BRWD1: variants seen among roughly 807,000 people sequenced by gnomAD.
The protein encoded by BRWD1 is bromodomain and WD repeat domain containing 1.
In BRWD1, 82 loss-of-function variants were observed where a neutral mutation model predicts 251.2. That is an observed-to-expected ratio of 0.33 (90% CI 0.27 to 0.39). The LOEUF (loss-of-function observed/expected upper bound fraction) is 0.39. Among genes scored for constraint, BRWD1 ranks in the 10% least tolerant of loss-of-function variants. The pLI, the probability that BRWD1 is intolerant of heterozygous loss-of-function variation, is 1.00. For missense variants in BRWD1, 2,233 were observed against 2,711.6 expected (o/e 0.82, Z 3.92); for synonymous variants, 918 against 902.8 (o/e 1.02, Z -0.30).
intron 6 of BRWD1, 50 bp downstream of exon 6, chr21:39,296,215 G>C: frequency 7.0e-7 from 1 of 1,438,842 alleles, no homozygotes; most frequent in Non-Finnish European, 9.4e-7. Flanking sequence ...AGGTTGTTGA[G>C]AAATTTAAAA....
rs546049129 is a variant in BRWD1, at chr21:39,222,069, G to A, written c.3382+2339C>T. ...TAAAAAAAACAAAAGTATCCAGGAT[G>A]TGAAAAAATTGGAACCCACATACAC... On this transcript the variant is annotated intron_variant, in intron 29 of 40. Coordinates refer to ENST00000342449, the MANE Select transcript of BRWD1 (RefSeq NM_033656.4). Among the ~76,000 whole-genome samples the A allele has an allele frequency of 4.6e-4, 70 of 152,214 alleles. 2 individuals are homozygous for A. The highest frequency in any genetic ancestry group is 6.8e-3 in the Middle Eastern group (2 of 294).
At chr21:39,212,045 T>G (rs1420391284) in intron 34 of BRWD1, among the ~76,000 whole-genome samples, 3 of 151,986 alleles carry the variant, frequency 2.0e-5, no homozygotes, top group Non-Finnish European at 2.9e-5. Context: ...CCAACATATC[T>G]CCATTGTTAA....
intron 12 of BRWD1, among the ~76,000 whole-genome samples, chr21:39,275,263 G>C (rs530088473): frequency 1.9e-4 from 29 of 152,292 alleles, no homozygotes; most frequent in Admixed American, 6.5e-4. Flanking sequence ...TGGAGGCAAA[G>C]AAGGAGTATA....
intron 7 of BRWD1, among the ~76,000 whole-genome samples, chr21:39,294,891 G>C (rs1033625261): frequency 7.9e-5 from 12 of 152,076 alleles, no homozygotes; most frequent in African/African-American, 2.9e-4. Flanking sequence ...CCCACAAAAT[G>C]AAAGTTAAAC....
chr21:39,261,017 G>C (rs567811401), intron 17 of BRWD1, among the ~76,000 whole-genome samples: 2 of 152,232 alleles, frequency 1.3e-5, no homozygotes, highest in East Asian at 1.9e-4. Context: ...CTGAGGTCAG[G>C]AGTTCGAGAC....
At position 39,189,932 on chromosome 21, in the gene BRWD1, A is replaced by G. The variant is rs2031458462; in HGVS notation, c.*6327T>C. 1.0e-6 allele frequency: 1 copy of G among 985,276 alleles called. No individual in the cohort carries two copies. Among genetic ancestry groups the G allele is most frequent in the African/African-American group, 1.7e-5 (1 of 57,240 alleles). 61.0% of individuals were successfully genotyped at this position (985,276 alleles called of 1,614,324 possible). ...AATCCCACCAGTCCTACTGCCTCAGATGAGTCTTGTTTCAGTCATGGGTTT... is the reference window on the plus strand; with the variant it reads ...AATCCCACCAGTCCTACTGCCTCAGGTGAGTCTTGTTTCAGTCATGGGTTT... On this transcript the variant is annotated 3_prime_UTR_variant, in exon 41 of 41. Transcript: ENST00000342449.
At chr21:39,308,191 G>A (rs2036350592) in intron 4 of BRWD1, among the ~76,000 whole-genome samples, 1 of 152,082 alleles carries the variant, frequency 6.6e-6, no homozygotes, top group East Asian at 1.9e-4. Flanking sequence ...CTTATAAGAA[G>A]CAAAAGTAGG....
chr21:39,258,479 T>C lies in BRWD1; in HGVS notation c.2071+8A>G, dbSNP rs1233595515. Reference sequence around the variant, plus strand: ...TATTCAGGTAAAACATTTATCACTATTTATTACCTCTCCGGGGTGTTTCTT... The same window carrying C: ...TATTCAGGTAAAACATTTATCACTACTTATTACCTCTCCGGGGTGTTTCTT... On this transcript the variant is annotated splice_region_variant and intron_variant, in intron 18 of 40. Coordinates refer to ENST00000342449, the MANE Select transcript of BRWD1 (RefSeq NM_033656.4). 6.4e-7 allele frequency: 1 copy of C among 1,574,448 alleles called. No individual in the cohort carries two copies. The highest frequency in any genetic ancestry group is 8.6e-7 in the Non-Finnish European group (1 of 1,160,736).
intron 19 of BRWD1, among the ~76,000 whole-genome samples, chr21:39,253,988 T>G (rs2034481246): frequency 6.6e-6 from 1 of 152,202 alleles, no homozygotes. Flanking sequence ...TTTCTTAGGC[T>G]GGGCGTAGTG....
chr21:39,263,244 T>C (rs2034813519), intron 17 of BRWD1, among the ~76,000 whole-genome samples: 1 of 152,232 alleles, frequency 6.6e-6, no homozygotes, highest in Non-Finnish European at 1.5e-5. Context: ...TTTTACTTTA[T>C]ATATAGCTGG....
Position 39,188,020 on chromosome 21 carries a change from C to A in BRWD1, c.*8239G>T. On this transcript the variant is annotated 3_prime_UTR_variant, in exon 41 of 41. Transcript: ENST00000342449. ...AGACTAAGGCAGTTTTTAGAGGGGG[C>A]TTGAAATCACACTGGAGCTCTACAC... 3 of 979,414 alleles carry A rather than the reference C, an allele frequency of 3.1e-6. No homozygotes were observed. Among genetic ancestry groups the A allele is most frequent in the Non-Finnish European group, 3.6e-6 (3 of 827,552 alleles). The allele number at this position is 979,414 out of a possible 1,614,324, so 60.7% of individuals were successfully genotyped here.
intron 8 of BRWD1, among the ~76,000 whole-genome samples, chr21:39,283,299 G>A (rs2035531735): frequency 6.6e-6 from 1 of 152,130 alleles, no homozygotes; most frequent in Non-Finnish European, 1.5e-5. Context: ...AGCATAATCA[G>A]GAAAGATCTG....
rs2035046012 is a variant in BRWD1 at position 39,269,901 on chromosome 21, T to C, written c.1528A>G (p.Met510Val). 4 of 1,516,330 alleles carry C rather than the reference T, an allele frequency of 2.6e-6. No homozygotes were observed. The highest frequency in any genetic ancestry group is 2.8e-5 in the African/African-American group (2 of 71,480). The allele number at this position is 1,516,330 out of a possible 1,614,324, so 93.9% of individuals were successfully genotyped here. The change falls in exon 15 of 41, where the codon ATG becomes GTG. Residue 510 changes from methionine (M) to valine (V), a missense_variant and splice_region_variant. By Grantham distance (21) the Met-to-Val change is conservative. This residue lies in a region of BRWD1 where 315 missense variants were observed against 421.8 expected (regional missense o/e 0.75). Transcript: ENST00000342449. ...AAGGTACATCTCACTTCACTTACCA[T>C]ATTAAAATAATGTTTCATCTTGGTA... Reference protein sequence around the residue: ...KGTKMKHYFNMIEGQGHGAVF... With the variant: ...KGTKMKHYFNVIEGQGHGAVF...
chr21:39,300,867 T>C (rs1293757753), intron 4 of BRWD1, among the ~76,000 whole-genome samples: 1 of 152,168 alleles, frequency 6.6e-6, no homozygotes, highest in East Asian at 1.9e-4. Flanking sequence ...ATTAAACTAT[T>C]TGATATCATA....
At chr21:39,273,641 G>C (rs1300865223) in intron 13 of BRWD1, among the ~76,000 whole-genome samples, 1 of 106,476 alleles carries the variant, frequency 9.4e-6, no homozygotes, top group Non-Finnish European at 2.4e-5. Flanking sequence ...AGGCTGAGAT[G>C]GGGGGACAGG....
rs2035961876 is a variant in BRWD1 at position 39,296,340 on chromosome 21, C to T, written c.373G>A (p.Gly125Ser). The T allele has an allele frequency of 6.3e-7, 1 of 1,591,632 alleles. No homozygotes were observed. The highest frequency in any genetic ancestry group is 8.5e-7 in the Non-Finnish European group (1 of 1,170,988). ...AKDCRHTVWK[G>S]SAFAALHRGR... ...CTATGAAGAGCAGCAAAGGCAGAGC[C>T]CTTCCAAACTGTGTGCCTGCAGTCT... The change falls in exon 6 of 41, where the codon GGC (glycine) becomes AGC (serine). Residue 125 changes from glycine to serine, a missense_variant. Physicochemically the swap from Gly to Ser is moderately conservative, Grantham distance 56. Around this residue, in one of 12 missense-constraint regions of BRWD1, gnomAD observed 185 missense variants for 260.6 expected, o/e 0.71. Transcript: ENST00000342449.
At chr21:39,286,016 C>CTTTTTTTCTTT (rs538554741) in intron 8 of BRWD1, among the ~76,000 whole-genome samples, 2 of 104,774 alleles carry the variant, frequency 1.9e-5, no homozygotes, top group East Asian at 5.0e-4. Context: ...ACCATATGAA[C>CTTTTTTTCTTT]TTTTTTTTTT....
Position 39,277,302 on chromosome 21 carries a change from A to G in BRWD1, c.1053T>C (p.Tyr351=). Reference sequence around the variant, plus strand: ...TTTCGGGTGCTTCAAAACCCAAAAAATACATTCTGATTACATGATCAGTAC... The same window carrying G: ...TTTCGGGTGCTTCAAAACCCAAAAAGTACATTCTGATTACATGATCAGTAC... ...TGSTDHVIRM[Y]FLGFEAPEKI... is the part of the protein sequence containing the mutation. The change falls in exon 11 of 41, where the codon TAT becomes TAC. Residue 351 remains tyrosine, a synonymous_variant. Coordinates refer to ENST00000342449, the MANE Select transcript of BRWD1 (RefSeq NM_033656.4). 1.2e-6 allele frequency: 2 copies of G among 1,611,844 alleles called. No individual in the cohort carries two copies. The highest frequency in any genetic ancestry group is 8.5e-7 in the Non-Finnish European group (1 of 1,178,900).
intron 23 of BRWD1, chr21:39,236,044 C>T (rs1017300579): frequency 1.5e-5 from 3 of 195,378 alleles, no homozygotes; most frequent in African/African-American, 2.3e-5. Flanking sequence ...AGCCCTCTGA[C>T]CAGACCTGCA....
Sources: gnomAD v4.1 joint callset for allele counts (sites outside exome capture counted in the v4.1 genomes callset) on GRCh38, gnomAD v4.1.1 for gene constraint, gnomAD v4.1.1 regional missense constraint, MANE v1.5 for transcripts, NCBI Gene and HGNC (gene_info 2026-07-23, HGNC 2026-07-21) for gene names.